Variants in D2HGDH observed in about 807,000 individuals in gnomAD.
D2HGDH encodes D-2-hydroxyglutarate dehydrogenase, mitochondrial.
In D2HGDH, 31 loss-of-function variants were observed where a neutral mutation model predicts 46.9. The observed-to-expected ratio is 0.66, with a 90% CI of 0.50 to 0.89. D2HGDH has a LOEUF of 0.89. Ranked by LOEUF, D2HGDH falls within the 40% of genes least tolerant of loss-of-function variation. The pLI is 0.00. For synonymous variants in D2HGDH, 364 were observed against 332.6 expected (o/e 1.09, Z -1.03); for missense variants, 698 against 720.8 (o/e 0.97, Z 0.36).
At chr2:241,745,963 C>T (rs902612650) in intron 6 of D2HGDH, among the ~76,000 whole-genome samples, 2 of 152,142 alleles carry the variant, frequency 1.3e-5, no homozygotes, top group African/African-American at 2.4e-5. Flanking sequence ...TCTCTCCTGG[C>T]CCCCCTTGGG....
Position 241,735,369 on chromosome 2 carries a change from C to T in D2HGDH, c.145C>T (p.Arg49Trp), listed in dbSNP as rs779147231. The T allele has an allele frequency of 3.8e-6, 6 of 1,575,418 alleles. No homozygotes were observed. In the East Asian group the frequency reaches 6.9e-5, roughly 18 times the overall value. ...APGTPEVPLT[R>W]ERYPVRRLPF... ...GGGGACCCCCGAGGTGCCGCTGACCCGGGAGCGCTACCCCGTGCGGCGCTT... is the reference window on the plus strand; with the variant it reads ...GGGGACCCCCGAGGTGCCGCTGACCTGGGAGCGCTACCCCGTGCGGCGCTT... Residue 49 changes from arginine to tryptophan, a missense_variant, in exon 2 of 10, where the codon CGG (arginine) becomes TGG (tryptophan). Arg to Trp is a moderately radical substitution (Grantham distance 101, BLOSUM62 -3). Transcript: ENST00000321264.
intron 7 of D2HGDH, among the ~76,000 whole-genome samples, chr2:241,750,624 C>T (rs1697012706): frequency 6.6e-6 from 1 of 152,166 alleles, no homozygotes; most frequent in Admixed American, 6.5e-5. Flanking sequence ...TCTTTGTTTT[C>T]CCATGTTGCT....
In D2HGDH at chr2:241,744,042, G is replaced by A. The variant is rs529059995; in HGVS notation, c.684+227G>A. Among the ~76,000 whole-genome samples, 6 of 152,264 alleles carry A rather than the reference G, an allele frequency of 3.9e-5. No homozygotes were observed. The South Asian group carries it at 8.3e-4, about 21-fold the overall frequency. ...AGGGTGATTTTGTGTCCACTGCCTC[G>A]GGGCCACACAGAGAGGATGCAGTTA... is the stretch of plus-strand genomic sequence containing the variant. On this transcript the variant is annotated intron_variant, in intron 5 of 9. Transcript: ENST00000321264.
intron 9 of D2HGDH, among the ~76,000 whole-genome samples, chr2:241,757,297 A>T (rs190242853): frequency 5.5e-4 from 83 of 152,260 alleles, no homozygotes; most frequent in African/African-American, 1.9e-3. Flanking sequence ...ATCTTCTGTG[A>T]TAGGAAGGCA....
chr2:241,764,157 T>A (rs1019017299), intron 9 of D2HGDH, among the ~76,000 whole-genome samples: 1 of 149,856 alleles, frequency 6.7e-6, no homozygotes, highest in African/African-American at 2.5e-5. Context: ...CTCTCTGGCC[T>A]GAGCACGCAT....
chr2:241,738,271 G>A (rs1693491857), intron 2 of D2HGDH, among the ~76,000 whole-genome samples: 1 of 152,206 alleles, frequency 6.6e-6, no homozygotes, highest in Admixed American at 6.5e-5. Context: ...GGAGGCAGGT[G>A]AGGATGGACG....
At chr2:241,749,201 C>A in intron 6 of D2HGDH, 1 of 904,574 alleles carries the variant, frequency 1.1e-6, no homozygotes, top group African/African-American at 1.8e-5. Context: ...AACACCACCA[C>A]CACCTCCCAC....
intron 7 of D2HGDH, among the ~76,000 whole-genome samples, chr2:241,750,858 A>C (rs1697062113): frequency 6.6e-6 from 1 of 152,072 alleles, no homozygotes; most frequent in African/African-American, 2.4e-5. Context: ...CCCGGGTTCA[A>C]ACAATTCTCC....
rs768485205 is a variant in D2HGDH, at chr2:241,750,212, G to A, written c.915G>A (p.Glu305=). 10 of 1,614,104 alleles carry A rather than the reference G, an allele frequency of 6.2e-6. No homozygotes were observed. The highest frequency in any genetic ancestry group is 1.7e-4 in the Middle Eastern group (1 of 6,056). ...GCACCTGCAAGGGGATGCTGGGTGA[G>A]ATCCTGTCTGCATTCGAGTTCATGG... ...TFSTCKGMLG[E]ILSAFEFMDA... The change falls in exon 7 of 10, where the codon GAG becomes GAA. Residue 305 remains glutamate, a synonymous_variant. Coordinates refer to ENST00000321264, the MANE Select transcript of D2HGDH (RefSeq NM_152783.5).
Position 241,743,503 on chromosome 2 carries a change from T to G in D2HGDH, c.491-119T>G. The G allele has an allele frequency of 8.5e-7, 1 of 1,172,318 alleles. No individual in the cohort carries two copies. The highest frequency in any genetic ancestry group is 1.3e-5 in the South Asian group (1 of 75,998). 72.6% of individuals were successfully genotyped at this position (1,172,318 alleles called of 1,614,324 possible). On this transcript the variant is annotated intron_variant, in intron 4 of 9. Transcript: ENST00000321264. The surrounding 1 kb of genome is among the most constrained non-coding windows in gnomAD (Gnocchi z 4.8). ...TGGGGGTGCCTCTTCTCCTCAGCCC[T>G]GGCGCTGAGGCTGATGTTCCTTCTG...
intron 1 of D2HGDH, chr2:241,734,903 C>T: frequency 3.2e-6 from 1 of 311,554 alleles, no homozygotes; most frequent in East Asian, 5.1e-5. Context: ...CTCGGAGGAA[C>T]GGGGTCCTGG....
At chr2:241,753,472 T>C (rs1697626059) in intron 8 of D2HGDH, among the ~76,000 whole-genome samples, 1 of 152,162 alleles carries the variant, frequency 6.6e-6, no homozygotes. Context: ...TTGTCCGGTG[T>C]TGGCGAGGCT....
At chr2:241,757,533 C>T (rs1698303844) in intron 9 of D2HGDH, among the ~76,000 whole-genome samples, 2 of 151,724 alleles carry the variant, frequency 1.3e-5, no homozygotes. Context: ...GTACGGGATC[C>T]CCAATATTTC....
At position 241,767,972 on chromosome 2, in the gene D2HGDH, G is replaced by T; in HGVS notation, c.*3G>T. 6.3e-7 allele frequency: 1 copy of T among 1,584,712 alleles called. No individual in the cohort carries two copies. The highest frequency in any genetic ancestry group is 2.3e-5 in the East Asian group (1 of 43,852). On this transcript the variant is annotated 3_prime_UTR_variant, in exon 10 of 10. Transcript: ENST00000321264. ...AGACGCTGCCCAGCCAGGCCTGACGGCCACTCCTGCTGCTGCCAAGGCCCA... is the reference window on the plus strand; with the variant it reads ...AGACGCTGCCCAGCCAGGCCTGACGTCCACTCCTGCTGCTGCCAAGGCCCA...
intron 2 of D2HGDH, among the ~76,000 whole-genome samples, chr2:241,740,625 T>C (rs1694181871): frequency 6.6e-6 from 1 of 152,170 alleles, no homozygotes; most frequent in Non-Finnish European, 1.5e-5. Context: ...ACTCAGATGA[T>C]TCTCCCTCCT....
At chr2:241,754,164 C>T (rs1402231955) in intron 8 of D2HGDH, among the ~76,000 whole-genome samples, 1 of 152,200 alleles carries the variant, frequency 6.6e-6, no homozygotes, top group East Asian at 1.9e-4. Context: ...CACGGGGACA[C>T]ATGGGGCGGC....
chr2:241,734,853 AAC>A (rs78312666), intron 1 of D2HGDH, 158 bp downstream of exon 1: 59,828 of 215,692 alleles, frequency 0.28, 8,818 homozygotes, highest in Middle Eastern at 0.32. Context: ...GACCGCGTGG[AAC>A]ACGCGCGCGC....
rs1199574946 is a variant in D2HGDH at position 241,743,479 on chromosome 2, G to A, written c.491-143G>A. ...GTTTTCGTCCTTGGGCCAGCGATGT[G>A]GGGGTGCCTCTTCTCCTCAGCCCTG... On this transcript the variant is annotated intron_variant, in intron 4 of 9. Coordinates refer to ENST00000321264, the MANE Select transcript of D2HGDH (RefSeq NM_152783.5). The surrounding 1 kb of genome is among the most constrained non-coding windows in gnomAD (Gnocchi z 4.8). 6 of 858,708 alleles carry A rather than the reference G, an allele frequency of 7.0e-6. No individual in the cohort carries two copies. The Admixed American group carries it at 1.3e-4, about 19-fold the overall frequency. The allele number at this position is 858,708 out of a possible 1,614,324, so 53.2% of individuals were successfully genotyped here.
At chr2:241,736,588 A>G (rs1045713891) in intron 2 of D2HGDH, among the ~76,000 whole-genome samples, 3 of 151,428 alleles carry the variant, frequency 2.0e-5, no homozygotes, top group Non-Finnish European at 4.4e-5. Flanking sequence ...GACACTTCTC[A>G]TTGGATTGAG....
Sources: gnomAD v4.1 joint callset for allele counts (sites outside exome capture counted in the v4.1 genomes callset) on GRCh38, gnomAD v4.1.1 for gene constraint, Gnocchi (gnomAD v3.1) non-coding constraint, MANE v1.5 for transcripts, NCBI Gene and HGNC (gene_info 2026-07-23, HGNC 2026-07-21) for gene names.